NEURL1B: variants seen among roughly 807,000 people sequenced by gnomAD.
NEURL1B encodes the protein neuralized E3 ubiquitin protein ligase 1B.
NEURL1B carries 13 observed loss-of-function variants against 37.4 expected under a neutral mutation model. The ratio of observed to expected loss-of-function variants is 0.35; its 90% CI spans 0.23 to 0.55. The LOEUF is 0.55. Ranked by LOEUF, NEURL1B falls within the 20% of genes least tolerant of loss-of-function variation. The pLI is 0.89. For missense variants in NEURL1B, 790 were observed against 879.2 expected, an observed-to-expected ratio of 0.90 and a Z score of 1.28; for synonymous variants, 432 against 426.6, an observed-to-expected ratio of 1.01 and a Z score of -0.16.
chr5:172,654,571 ATTTT>A (rs34546667), intron 1 of NEURL1B, among the ~76,000 whole-genome samples: 41 of 136,996 alleles, frequency 3.0e-4, no homozygotes, highest in Admixed American at 5.8e-4. Flanking sequence ...GAGTTAAACT[ATTTT>A]TTTTTTTTTT....
chr5:172,686,635 C>A lies in NEURL1B; in HGVS notation c.1424-46C>A. The A allele has an allele frequency of 6.6e-7, 1 of 1,526,290 alleles. No homozygotes were observed. Among genetic ancestry groups the A allele is most frequent in the Non-Finnish European group, 8.9e-7 (1 of 1,128,438 alleles). The allele number at this position is 1,526,290 out of a possible 1,614,324, so 94.5% of individuals were successfully genotyped here. On this transcript the variant is annotated intron_variant, in intron 4 of 4. Coordinates refer to ENST00000369800, the MANE Select transcript of NEURL1B (RefSeq NM_001142651.3). This position sits in a 1 kb window ranked among gnomAD's most constrained non-coding sequence, Gnocchi z 7.9. ...TCGGGGTTGCCCCAACAGAGCCCAC[C>A]TGAGAGAGACATTGTTAACATATGT...
intron 1 of NEURL1B, among the ~76,000 whole-genome samples, chr5:172,651,847 C>T (rs186181681): frequency 9.2e-5 from 14 of 152,298 alleles, no homozygotes; most frequent in East Asian, 1.9e-4. Flanking sequence ...TCTAAATAGA[C>T]GTGAGAGTCA....
chr5:172,657,417 A>G lies in NEURL1B; in HGVS notation c.32-12368A>G, dbSNP rs191211783. ...AAATGGTTAGAATAAGAATAGTCAT[A>G]ATACAAATTAGATATAGAGATGATC... On this transcript the variant is annotated intron_variant, in intron 1 of 4. Transcript: ENST00000369800. This position sits in a 1 kb window ranked among gnomAD's most constrained non-coding sequence, Gnocchi z 4.0. Among the ~76,000 whole-genome samples, 1 of 152,356 alleles carries G rather than the reference A, an allele frequency of 6.6e-6. No individual in the cohort carries two copies. Among genetic ancestry groups the G allele is most frequent in the Non-Finnish European group, 1.5e-5 (1 of 68,034 alleles).
rs922938685 is a variant in NEURL1B at position 172,656,432 on chromosome 5, G to A, written c.32-13353G>A. ...AGACAACACTTAATTCCAGCTATAC[G>A]TGGCAAAAGATGTTATGGCAGGGAA... On this transcript the variant is annotated intron_variant, in intron 1 of 4. Coordinates refer to ENST00000369800, the MANE Select transcript of NEURL1B (RefSeq NM_001142651.3). 66 of 984,620 alleles carry A rather than the reference G, an allele frequency of 6.7e-5. No homozygotes were observed. The African/African-American group carries it at 8.5e-4, about 13-fold the overall frequency. 61.0% of individuals were successfully genotyped at this position (984,620 alleles called of 1,614,324 possible). A position where few individuals can be genotyped will look rare whatever the true frequency, so the allele number is the denominator to read the frequency against.
intron 1 of NEURL1B, among the ~76,000 whole-genome samples, chr5:172,652,215 A>G (rs1757678360): frequency 6.6e-6 from 1 of 152,256 alleles, no homozygotes; most frequent in South Asian, 2.1e-4. Context: ...ACTTGGGGAT[A>G]TAGCAGAGAG....
rs116594273 is a variant in NEURL1B, at chr5:172,655,671, A to C, written c.32-14114A>C. 3.5e-3 allele frequency among the ~76,000 whole-genome samples: 528 copies of C among 151,406 alleles called. 2 individuals carry two copies. The highest frequency in any genetic ancestry group is 0.012 in the African/African-American group (495 of 41,248). ...CGGCTGCTGCTTCCTTGGTCTATGC[A>C]CAGTTGTTGCTGCAGTATGTGAGGA... On this transcript the variant is annotated intron_variant, in intron 1 of 4. Coordinates refer to ENST00000369800, the MANE Select transcript of NEURL1B (RefSeq NM_001142651.3).
In NEURL1B at chr5:172,669,940, A is replaced by G; in HGVS notation, c.187A>G (p.Asn63Asp). The G allele has an allele frequency of 2.1e-6, 3 of 1,459,210 alleles. No individual in the cohort carries two copies. In the South Asian group the frequency reaches 4.1e-5, roughly 20 times the overall value. 90.4% of individuals were successfully genotyped at this position (1,459,210 alleles called of 1,614,324 possible). ...DGHSRRATRR[N>D]SFCNGVTFTQ... ...CCACTCGCGCCGGGCCACACGGCGC[A>G]ACAGCTTCTGCAATGGCGTCACGTT... Residue 63 changes from asparagine (N) to aspartate (D), a missense_variant, in exon 2 of 5, where the codon AAC becomes GAC. By Grantham distance (23) the Asn-to-Asp change is conservative (BLOSUM62 1). This residue lies in a region of NEURL1B where 215 missense variants were observed against 309.2 expected (regional missense o/e 0.70). Coordinates refer to ENST00000369800, the MANE Select transcript of NEURL1B (RefSeq NM_001142651.3).
In NEURL1B at chr5:172,683,623, G is replaced by T. The variant is rs1398984298; in HGVS notation, c.782G>T (p.Cys261Phe). 1 of 1,249,426 alleles carries T rather than the reference G, an allele frequency of 8.0e-7. No individual in the cohort carries two copies. Among genetic ancestry groups the T allele is most frequent in the Middle Eastern group, 3.2e-4 (1 of 3,166 alleles). 77.4% of individuals were successfully genotyped at this position (1,249,426 alleles called of 1,614,324 possible). A position where few individuals can be genotyped will look rare whatever the true frequency, so the allele number is the denominator to read the frequency against. The change falls in exon 3 of 5, where the codon TGC becomes TTC. Residue 261 changes from cysteine (C) to phenylalanine (F), a missense_variant. Around this residue, in one of 3 missense-constraint regions of NEURL1B, gnomAD observed 460 missense variants for 407.4 expected, o/e 1.13. Transcript: ENST00000369800. The surrounding 1 kb of genome is among the most constrained non-coding windows in gnomAD (Gnocchi z 5.6). ...PADAAAAAIPCGPRERPRPAS... is the reference protein window; with the variant it reads ...PADAAAAAIPFGPRERPRPAS... ...GACGCCGCGGCCGCCGCCATTCCGT[G>T]CGGGCCCCGTGAGCGCCCGCGGCCC...
intron 1 of NEURL1B, among the ~76,000 whole-genome samples, chr5:172,651,101 A>G (rs1757655296): frequency 6.6e-6 from 1 of 152,230 alleles, no homozygotes; most frequent in Non-Finnish European, 1.5e-5. Context: ...CAAAGCATTG[A>G]ACATACTGAC....
Position 172,641,539 on chromosome 5 carries a change from T to G in NEURL1B, c.31+102T>G. The G allele has an allele frequency of 4.8e-6, 5 of 1,031,588 alleles. No homozygotes were observed. Among genetic ancestry groups the G allele is most frequent in the Non-Finnish European group, 6.2e-6 (5 of 802,660 alleles). The allele number at this position is 1,031,588 out of a possible 1,614,324, so 63.9% of individuals were successfully genotyped here. On this transcript the variant is annotated intron_variant, in intron 1 of 4. Coordinates refer to ENST00000369800, the MANE Select transcript of NEURL1B (RefSeq NM_001142651.3). This position sits in a 1 kb window ranked among gnomAD's most constrained non-coding sequence, Gnocchi z 6.4. ...AGCTACCCCACGGCCCTTGGAGCCCTCGGCTCGCAGCGGGCTGGAGTCTCC... is the reference window on the plus strand; with the variant it reads ...AGCTACCCCACGGCCCTTGGAGCCCGCGGCTCGCAGCGGGCTGGAGTCTCC...
intron 1 of NEURL1B, among the ~76,000 whole-genome samples, chr5:172,642,918 G>A (rs546847292): frequency 6.6e-6 from 1 of 152,326 alleles, no homozygotes; most frequent in East Asian, 1.9e-4. Flanking sequence ...AGATATTCTC[G>A]CCACATAGAC....
At chr5:172,656,660 C>T in intron 1 of NEURL1B, 2 of 1,584,566 alleles carry the variant, frequency 1.3e-6, no homozygotes, top group Non-Finnish European at 1.7e-6. Context: ...TCTCCTTGGC[C>T]TACTTCTTGG....
chr5:172,676,761 G>A lies in NEURL1B; in HGVS notation c.577+6431G>A, dbSNP rs1458127387. Among the ~76,000 whole-genome samples, 4 of 152,260 alleles carry A rather than the reference G, an allele frequency of 2.6e-5. No individual in the cohort carries two copies. Among genetic ancestry groups the A allele is most frequent in the Non-Finnish European group, 5.9e-5 (4 of 68,044 alleles). ...GTGCCAGGCACAATGCTGAGAGCTT[G>A]ATGTGGGTCATGTCTTCTGTTCCTT... On this transcript the variant is annotated intron_variant, in intron 2 of 4. Transcript: ENST00000369800. The surrounding 1 kb of genome is among the most constrained non-coding windows in gnomAD (Gnocchi z 4.5).
At chr5:172,667,452 A>AG (rs1206213364) in intron 1 of NEURL1B, among the ~76,000 whole-genome samples, 3 of 151,670 alleles carry the variant, frequency 2.0e-5, no homozygotes, top group Non-Finnish European at 2.9e-5. Context: ...TTTCAAAAAA[A>AG]AAAAGAAAAG....
intron 2 of NEURL1B, among the ~76,000 whole-genome samples, chr5:172,673,694 G>C (rs1475764696): frequency 2.6e-5 from 4 of 151,724 alleles, no homozygotes; most frequent in Admixed American, 2.0e-4. Context: ...GACCTCCTGG[G>C]CCTAAGGAAT....
At chr5:172,680,835 A>G (rs907707752) in intron 2 of NEURL1B, among the ~76,000 whole-genome samples, 5 of 152,248 alleles carry the variant, frequency 3.3e-5, no homozygotes, top group Non-Finnish European at 5.9e-5. Flanking sequence ...ATATTAATTG[A>G]AAACTCAATT....
Position 172,686,818 on chromosome 5 carries a change from A to G in NEURL1B, c.1561A>G (p.Met521Val), listed in dbSNP as rs1362510900. The G allele has an allele frequency of 6.4e-7, 1 of 1,551,818 alleles. No individual in the cohort carries two copies. The highest frequency in any genetic ancestry group is 2.4e-5 in the East Asian group (1 of 40,910). The change falls in exon 5 of 5, where the codon ATG (methionine) becomes GTG (valine). Residue 521 changes from methionine (M) to valine (V), a missense_variant. Transcript: ENST00000369800. The surrounding 1 kb of genome is among the most constrained non-coding windows in gnomAD (Gnocchi z 7.9). Reference sequence around the variant, plus strand: ...CACGGTCATCTACACGTGTGGACACATGTGCCTGTGCCACAGCTGCGGCCT... The same window carrying G: ...CACGGTCATCTACACGTGTGGACACGTGTGCCTGTGCCACAGCTGCGGCCT... ...VDTVIYTCGHMCLCHSCGLRL... is the reference protein window; with the variant it reads ...VDTVIYTCGHVCLCHSCGLRL...
At chr5:172,663,094 G>A (rs949417040) in intron 1 of NEURL1B, among the ~76,000 whole-genome samples, 7 of 118,210 alleles carry the variant, frequency 5.9e-5, no homozygotes, top group South Asian at 2.4e-4. Context: ...CACACCTGTC[G>A]TCCTAGCTAC....
chr5:172,688,491 C>A lies in NEURL1B; in HGVS notation c.*1566C>A, dbSNP rs1758559409. ...TCATATAACAAACACTGCTGGGTGT[C>A]TGGGTGCCCAGAGCAAAGCTGGGCC... On this transcript the variant is annotated 3_prime_UTR_variant, in exon 5 of 5. Transcript: ENST00000369800. The surrounding 1 kb of genome is among the most constrained non-coding windows in gnomAD (Gnocchi z 4.3). 2 of 152,322 alleles carry A rather than the reference C, an allele frequency of 1.3e-5. 1 individual carries two copies. Among genetic ancestry groups the A allele is most frequent in the South Asian group, 4.1e-4 (2 of 4,832 alleles). 9.4% of individuals were successfully genotyped at this position (152,322 alleles called of 1,614,324 possible). A position where few individuals can be genotyped will look rare whatever the true frequency, so the allele number is the denominator to read the frequency against.
Sources: gnomAD v4.1 joint callset for allele counts (sites outside exome capture counted in the v4.1 genomes callset) on GRCh38, gnomAD v4.1.1 for gene constraint, gnomAD v4.1.1 regional missense constraint, Gnocchi (gnomAD v3.1) non-coding constraint, MANE v1.5 for transcripts, NCBI Gene and HGNC (gene_info 2026-07-23, HGNC 2026-07-21) for gene names.